The following ZNF33B variants were observed in gnomAD, a reference collection of about 807,000 sequenced individuals.
ZNF33B encodes the protein zinc finger protein 33B.
A neutral mutation model predicts 45.8 loss-of-function variants in ZNF33B; 29 were observed. That is an observed-to-expected ratio of 0.63 (90% confidence interval 0.47 to 0.86). The LOEUF (loss-of-function observed/expected upper bound fraction) is 0.86, where lower values mean the gene tolerates loss of function less well. Ranked by LOEUF, ZNF33B falls within the 40% of genes least tolerant of loss-of-function variation. The pLI is 0.00. For missense variants in ZNF33B, 831 were observed against 909.9 expected, an observed-to-expected ratio of 0.91 and a Z score of 1.12; for synonymous variants, 305 against 307.8, an observed-to-expected ratio of 0.99 and a Z score of 0.10.
intron 4 of ZNF33B, among the ~76,000 whole-genome samples, chr10:42,621,945 AACT>A (rs1391214758): frequency 6.6e-6 from 1 of 152,222 alleles, no homozygotes; most frequent in African/African-American, 2.4e-5. Flanking sequence ...ATCATAAAGA[AACT>A]ACAAGAAAGA....
At chr10:42,575,731 T>TATATATAC (rs1836739431) in intron 1 of ZNF33B, among the ~76,000 whole-genome samples, 1 of 122,860 alleles carries the variant, frequency 8.1e-6, no homozygotes, top group Non-Finnish European at 1.7e-5. Context: ...TATATATACA[T>TATATATAC]ATATATTTTT....
At chr10:42,585,133 G>C (rs1427874742), downstream of ZNF33B, among the ~76,000 whole-genome samples, 1 of 152,174 alleles carries the variant, frequency 6.6e-6, no homozygotes, top group Non-Finnish European at 1.5e-5. Flanking sequence ...CCCAAAAGGA[G>C]CATCTTTTCT....
chr10:42,613,443 G>A (rs1838183353), intron 4 of ZNF33B, among the ~76,000 whole-genome samples: 1 of 151,936 alleles, frequency 6.6e-6, no homozygotes, highest in Non-Finnish European at 1.5e-5. Context: ...AGCTACTTGG[G>A]AAGCTGAAGC....
chr10:42,606,219 C>A (rs764206916), intron 4 of ZNF33B, among the ~76,000 whole-genome samples: 13 of 149,534 alleles, frequency 8.7e-5, no homozygotes, highest in Non-Finnish European at 1.8e-4. Flanking sequence ...AATCCCAGCA[C>A]TTCGGGAGGC....
intron 4 of ZNF33B, among the ~76,000 whole-genome samples, chr10:42,626,718 T>TAAATA (rs1256813309): frequency 4.5e-5 from 6 of 132,384 alleles, no homozygotes; most frequent in Admixed American, 7.3e-5. Flanking sequence ...AATAAATAAA[T>TAAATA]AAATAAAATA....
chr10:42,624,583 TAAC>T (rs1460251692), intron 4 of ZNF33B, among the ~76,000 whole-genome samples: 5 of 152,162 alleles, frequency 3.3e-5, no homozygotes, highest in Non-Finnish European at 5.9e-5. Context: ...AGGGAGAGAT[TAAC>T]AACATCATAA....
downstream of ZNF33B, among the ~76,000 whole-genome samples, chr10:42,588,524 C>T (rs1836982691): frequency 6.6e-6 from 1 of 152,210 alleles, no homozygotes; most frequent in South Asian, 2.1e-4. Flanking sequence ...TGGGATTCCC[C>T]ACTCTGATGC....
chr10:42,593,009 G>A lies in ZNF33B; in HGVS notation c.1941C>T (p.Cys647=). Residue 647 remains cysteine (C), a synonymous_variant, in exon 5 of 5, where the codon TGC becomes TGT. Transcript: ENST00000359467. ...GATGTACAATTAGAGCTGACTTATG[G>A]CAGAAAGCTTTTCCACACTCATTAC... The part of the protein sequence containing the change: ...YECNECGKAF[C]HKSALIVHQR... The A allele has an allele frequency of 6.2e-7, 1 of 1,613,974 alleles. No homozygotes were observed. The highest frequency in any genetic ancestry group is 8.5e-7 in the Non-Finnish European group (1 of 1,179,964).
At chr10:42,615,619 A>G (rs1292907426) in intron 4 of ZNF33B, among the ~76,000 whole-genome samples, 1 of 152,198 alleles carries the variant, frequency 6.6e-6, no homozygotes. Context: ...AGGGATGATG[A>G]CAATGTTCTA....
intron 4 of ZNF33B, among the ~76,000 whole-genome samples, chr10:42,606,428 G>A (rs1837854798): frequency 6.6e-6 from 1 of 152,136 alleles, no homozygotes; most frequent in Admixed American, 6.6e-5. Context: ...TCGTGCCACT[G>A]CACTCCAGCC....
chr10:42,635,332 A>T (rs988484312), intron 2 of ZNF33B, among the ~76,000 whole-genome samples: 8 of 152,044 alleles, frequency 5.3e-5, no homozygotes, highest in African/African-American at 1.9e-4. Flanking sequence ...CACTGAAGCC[A>T]CAGATTAAAT....
Position 42,591,470 on chromosome 10 carries a change from G to A in ZNF33B, c.*1143C>T, listed in dbSNP as rs1190438901. 3.5e-6 allele frequency: 1 copy of A among 286,978 alleles called. No individual in the cohort carries two copies. The highest frequency in any genetic ancestry group is 2.3e-5 in the African/African-American group (1 of 44,058). The allele number at this position is 286,978 out of a possible 1,614,324, so 17.8% of individuals were successfully genotyped here. ...TTATTTTGATTTATAACTTTTAAAT[G>A]GATAAACATTAGCTCTGTGGGTCTC... On this transcript the variant is annotated 3_prime_UTR_variant, in exon 5 of 5. Coordinates refer to ENST00000359467, the MANE Select transcript of ZNF33B (RefSeq NM_006955.3).
intron 4 of ZNF33B, among the ~76,000 whole-genome samples, chr10:42,607,404 G>T (rs577124468): frequency 3.3e-5 from 5 of 151,996 alleles, no homozygotes; most frequent in Non-Finnish European, 5.9e-5. Flanking sequence ...GGTGGGTGAA[G>T]GATAAGAAAT....
rs1019060678 is a variant in ZNF33B at position 42,591,650 on chromosome 10, G to GT, written c.*962dup. On this transcript the variant is annotated 3_prime_UTR_variant, in exon 5 of 5. Coordinates refer to ENST00000359467, the MANE Select transcript of ZNF33B (RefSeq NM_006955.3). ...TATATCACATACCACTTGTACATAT[G>GT]TAAGTCCTATGAACTTCAGGGATAA... is the stretch of plus-strand genomic sequence containing the variant. The GT allele has an allele frequency of 2.6e-6, 1 of 390,034 alleles. No individual in the cohort carries two copies. Among genetic ancestry groups the GT allele is most frequent in the African/African-American group, 2.2e-5 (1 of 46,122 alleles). The allele number at this position is 390,034 out of a possible 1,614,324, so 24.2% of individuals were successfully genotyped here.
At chr10:42,606,468 G>C (rs1256898410) in intron 4 of ZNF33B, among the ~76,000 whole-genome samples, 3 of 151,716 alleles carry the variant, frequency 2.0e-5, no homozygotes, top group Admixed American at 2.0e-4. Flanking sequence ...CCATCTCAGG[G>C]GGAAAAAAAA....
chr10:42,579,052 G>T (rs1405610991), intron 1 of ZNF33B, among the ~76,000 whole-genome samples: 1 of 152,156 alleles, frequency 6.6e-6, no homozygotes, highest in Non-Finnish European at 1.5e-5. Flanking sequence ...GCTGGTCATT[G>T]TCTCTGCACG....
At chr10:42,616,821 G>A (rs1279013773) in intron 4 of ZNF33B, among the ~76,000 whole-genome samples, 1 of 151,940 alleles carries the variant, frequency 6.6e-6, no homozygotes, top group Non-Finnish European at 1.5e-5. Context: ...TCAGCCTCCT[G>A]AGTAGCTGGG....
At chr10:42,618,018 CTTCT>C (rs1369797352) in intron 4 of ZNF33B, among the ~76,000 whole-genome samples, 1 of 152,168 alleles carries the variant, frequency 6.6e-6, no homozygotes, top group Non-Finnish European at 1.5e-5. Context: ...ATTCTTCTCC[CTTCT>C]TTCTCAATCC....
chr10:42,592,738 T>C lies in ZNF33B; in HGVS notation c.2212A>G (p.Lys738Glu). The change falls in exon 5 of 5, where the codon AAA (lysine) becomes GAA (glutamate). Residue 738 changes from lysine to glutamate, a missense_variant. By Grantham distance (56) the Lys-to-Glu change is moderately conservative. Transcript: ENST00000359467. ...TCCCCTGTATGTGATCTCTGATGTT[T>C]AGCAAGGTCTGATTTACGGTAAAAG... is the stretch of plus-strand genomic sequence containing the variant. ...KIFYRKSDLA[K>E]HQRSHTGEKP... 1 of 1,614,124 alleles carries C rather than the reference T, an allele frequency of 6.2e-7. No homozygotes were observed.
Sources: gnomAD v4.1 joint callset for allele counts (sites outside exome capture counted in the v4.1 genomes callset) on GRCh38, gnomAD v4.1.1 for gene constraint, MANE v1.5 for transcripts, NCBI Gene and HGNC (gene_info 2026-07-23, HGNC 2026-07-21) for gene names.